Variants in N4BP2L2 observed in about 807,000 individuals in gnomAD.
N4BP2L2 encodes NEDD4 binding protein 2 like 2.
A neutral mutation model predicts 56.2 loss-of-function variants in N4BP2L2; 50 were observed. The observed-to-expected ratio is 0.89, with a 90% CI of 0.71 to 1.13. The LOEUF is 1.13. Among genes scored for constraint, N4BP2L2 ranks in the 50% most tolerant of loss-of-function variants. The pLI is 0.00. For missense variants in N4BP2L2, 689 were observed against 693.8 expected (o/e 0.99, Z 0.08); for synonymous variants, 203 against 223.6 (o/e 0.91, Z 0.82).
At chr13:32,452,492 G>A (rs1051413671) in intron 6 of N4BP2L2, among the ~76,000 whole-genome samples, 2 of 152,148 alleles carry the variant, frequency 1.3e-5, no homozygotes, top group Non-Finnish European at 2.9e-5. Flanking sequence ...ACTACCTTCA[G>A]TAATGTGTAA....
At chr13:32,510,003 TAA>T (rs2091522333), downstream of N4BP2L2, among the ~76,000 whole-genome samples, 1 of 152,254 alleles carries the variant, frequency 6.6e-6, no homozygotes, top group African/African-American at 2.4e-5. Context: ...TTGTAAAATT[TAA>T]GTTATTTACA....
intron 6 of N4BP2L2, among the ~76,000 whole-genome samples, chr13:32,492,338 G>C (rs888494957): frequency 1.4e-5 from 2 of 140,474 alleles, no homozygotes; most frequent in Non-Finnish European, 3.0e-5. Context: ...GCTGGAGTGC[G>C]GTGGCGCGAT....
intron 6 of N4BP2L2, among the ~76,000 whole-genome samples, chr13:32,499,094 A>C (rs1440732306): frequency 6.6e-6 from 1 of 151,934 alleles, no homozygotes; most frequent in Non-Finnish European, 1.5e-5. Context: ...TTCAGCTGCC[A>C]CTGCCTACAG....
At chr13:32,520,269 TG>T (rs1374314367) in intron 5 of N4BP2L2, among the ~76,000 whole-genome samples, 1 of 150,824 alleles carries the variant, frequency 6.6e-6, no homozygotes, top group Non-Finnish European at 1.5e-5. Flanking sequence ...ATTAAATAGG[TG>T]AATTGTAAGG....
chr13:32,443,411 G>C (rs747124702), exon 7 of N4BP2L2: 1 of 1,614,042 alleles, frequency 6.2e-7, no homozygotes, highest in East Asian at 2.2e-5. Context: ...GAGCCCAGCT[G>C]TAAATCTTCA....
At chr13:32,446,249 C>G in intron 6 of N4BP2L2, 1 of 662,916 alleles carries the variant, frequency 1.5e-6, no homozygotes, top group Non-Finnish European at 2.3e-6. Flanking sequence ...AGAAAATACT[C>G]TAAGGAACAC....
At chr13:32,436,807 A>AG (rs1262026167) in intron 8 of N4BP2L2, among the ~76,000 whole-genome samples, 5 of 119,884 alleles carry the variant, frequency 4.2e-5, no homozygotes, top group African/African-American at 1.8e-4. Flanking sequence ...AAAAAAAAAA[A>AG]AAAGAAAGGA....
intron 6 of N4BP2L2, among the ~76,000 whole-genome samples, chr13:32,469,824 A>G (rs112334534): frequency 0.045 from 6,887 of 152,290 alleles, 500 homozygotes; most frequent in African/African-American, 0.16. Flanking sequence ...ATGTTACTGT[A>G]CAGCCCAGTC....
intron 6 of N4BP2L2, among the ~76,000 whole-genome samples, chr13:32,463,455 G>A (rs140703156): frequency 6.6e-6 from 1 of 152,166 alleles, no homozygotes; most frequent in East Asian, 1.9e-4. Flanking sequence ...CCTGAGGTCA[G>A]GAGTTCAAGA....
At chr13:32,442,877 G>A in exon 7 of N4BP2L2, 1 of 1,613,194 alleles carries the variant, frequency 6.2e-7, no homozygotes, top group South Asian at 1.1e-5. Context: ...CACAATGGAT[G>A]ATGATCAAAG....
At chr13:32,465,308 A>T (rs1466724918) in intron 6 of N4BP2L2, among the ~76,000 whole-genome samples, 1 of 152,278 alleles carries the variant, frequency 6.6e-6, no homozygotes, top group Middle Eastern at 3.4e-3. Context: ...GGGGGTATAA[A>T]AAAGCACAAT....
intron 6 of N4BP2L2, chr13:32,504,706 A>G (rs1336446610): frequency 1.3e-5 from 2 of 152,158 alleles, no homozygotes; most frequent in African/African-American, 4.8e-5. Context: ...CCATTTCAGT[A>G]TCAACTCTAA....
chr13:32,477,703 T>C (rs1045728436), intron 6 of N4BP2L2: 5 of 394,686 alleles, frequency 1.3e-5, no homozygotes, highest in African/African-American at 4.2e-5. Flanking sequence ...TCTGGAAAAA[T>C]AGACCTAATC....
intron 6 of N4BP2L2, chr13:32,478,051 G>A: frequency 1.6e-6 from 2 of 1,288,824 alleles, no homozygotes; most frequent in Non-Finnish European, 2.0e-6. Flanking sequence ...GCTGGTTGCT[G>A]TGGGAAAATT....
chr13:32,450,457 T>G (rs2077756974), intron 6 of N4BP2L2, among the ~76,000 whole-genome samples: 2 of 151,700 alleles, frequency 1.3e-5, no homozygotes, highest in Non-Finnish European at 1.5e-5. Context: ...CCCAAGTAGC[T>G]GGGACTACAG....
At chr13:32,536,240 G>T in exon 2 of N4BP2L2, 1 of 1,613,808 alleles carries the variant, frequency 6.2e-7, no homozygotes, top group South Asian at 1.1e-5. Flanking sequence ...AGGCCTGAAA[G>T]AAGTAAATGA....
At chr13:32,488,301 G>A (rs1191487340) in intron 6 of N4BP2L2, among the ~76,000 whole-genome samples, 1 of 152,130 alleles carries the variant, frequency 6.6e-6, no homozygotes, top group Non-Finnish European at 1.5e-5. Flanking sequence ...ACAAATTAGT[G>A]CAGGAAGAGA....
At chr13:32,494,710 G>A (rs1277252126) in intron 6 of N4BP2L2, among the ~76,000 whole-genome samples, 3 of 152,180 alleles carry the variant, frequency 2.0e-5, no homozygotes, top group Non-Finnish European at 4.4e-5. Flanking sequence ...AGCTTGCAGT[G>A]AGCCAAGATC....
intron 6 of N4BP2L2, among the ~76,000 whole-genome samples, chr13:32,496,474 T>A (rs1006709167): frequency 6.6e-6 from 1 of 152,190 alleles, no homozygotes; most frequent in Non-Finnish European, 1.5e-5. Flanking sequence ...ATTGTTATAA[T>A]AAGAATGACA....
Sources: gnomAD v4.1 joint callset for allele counts (sites outside exome capture counted in the v4.1 genomes callset) on GRCh38, gnomAD v4.1.1 for gene constraint, MANE v1.5 for transcripts, NCBI Gene and HGNC (gene_info 2026-07-23, HGNC 2026-07-21) for gene names.